The following DTNB variants were observed in gnomAD, a reference collection of about 807,000 sequenced individuals.
DTNB encodes the protein dystrobrevin beta.
DTNB carries 63 observed loss-of-function variants against 90.7 expected under a neutral mutation model. The ratio of observed to expected loss-of-function variants is 0.69; its 90% confidence interval spans 0.57 to 0.86. DTNB has a LOEUF of 0.86. Among genes scored for constraint, DTNB ranks in the 40% least tolerant of loss-of-function variants. The pLI, the probability that DTNB is intolerant of heterozygous loss-of-function variation, is 0.00. For missense variants in DTNB, 744 were observed against 807.1 expected, an observed-to-expected ratio of 0.92 and a Z score of 0.95; for synonymous variants, 277 against 286.7, an observed-to-expected ratio of 0.97 and a Z score of 0.34.
chr2:25,379,731 GGCTCGA>G, intron 19 of DTNB: 1 of 177,902 alleles, frequency 5.6e-6, no homozygotes, highest in East Asian at 1.4e-4. Context: ...GCTCACCCGA[GGCTCGA>G]GCACTGCCTG....
chr2:25,603,813 T>G (rs1217136474), intron 5 of DTNB, among the ~76,000 whole-genome samples: 1 of 152,222 alleles, frequency 6.6e-6, no homozygotes. Flanking sequence ...TAATTAGGTA[T>G]GAGAAAGTGA....
chr2:25,498,847 CAAAAAAAAAA>C (rs34017287), intron 9 of DTNB, among the ~76,000 whole-genome samples: 1 of 65,024 alleles, frequency 1.5e-5, no homozygotes, highest in Admixed American at 2.1e-4. Flanking sequence ...AACCCTGTCT[CAAAAAAAAAA>C]AAAAAAAAAA....
At chr2:25,489,803 GA>G (rs1258014860) in intron 9 of DTNB, among the ~76,000 whole-genome samples, 5 of 150,812 alleles carry the variant, frequency 3.3e-5, no homozygotes, top group Non-Finnish European at 5.9e-5. Context: ...CATCAGAAAA[GA>G]AAAAAAAATT....
intron 10 of DTNB, among the ~76,000 whole-genome samples, chr2:25,481,207 G>A (rs1350500875): frequency 1.3e-5 from 2 of 151,690 alleles, no homozygotes; most frequent in Non-Finnish European, 2.9e-5. Context: ...AGACCAGCTT[G>A]GCCAACATGG....
At chr2:25,658,622 G>A (rs1171668331) in intron 1 of DTNB, among the ~76,000 whole-genome samples, 1 of 152,164 alleles carries the variant, frequency 6.6e-6, no homozygotes, top group African/African-American at 2.4e-5. Context: ...AAAGACATGG[G>A]GGAACCTTAA....
intron 5 of DTNB, among the ~76,000 whole-genome samples, chr2:25,605,779 T>C (rs2066971386): frequency 2.0e-5 from 3 of 151,960 alleles, no homozygotes; most frequent in Non-Finnish European, 4.4e-5. Context: ...CTACAACTTT[T>C]CTTTGTGTTT....
chr2:25,663,051 C>T (rs2083587241), intron 1 of DTNB, among the ~76,000 whole-genome samples: 2 of 152,168 alleles, frequency 1.3e-5, no homozygotes, highest in South Asian at 2.1e-4. Flanking sequence ...TCCTAATGCT[C>T]TCCCTCCCCT....
At chr2:25,479,249 T>C (rs1252003633) in intron 10 of DTNB, among the ~76,000 whole-genome samples, 1 of 152,114 alleles carries the variant, frequency 6.6e-6, no homozygotes, top group Non-Finnish European at 1.5e-5. Flanking sequence ...ATAAAAAAAA[T>C]TAGCATCATT....
At chr2:25,400,117 T>C (rs1045222116) in intron 16 of DTNB, among the ~76,000 whole-genome samples, 4 of 152,226 alleles carry the variant, frequency 2.6e-5, no homozygotes, top group African/African-American at 7.2e-5. Context: ...AAGATGGAAC[T>C]ATCTCAGGAA....
chr2:25,573,863 T>G (rs1208468532), intron 8 of DTNB, among the ~76,000 whole-genome samples: 1 of 152,200 alleles, frequency 6.6e-6, no homozygotes, highest in Admixed American at 6.5e-5. Context: ...TAACGCAAAG[T>G]TCTTATCATG....
At chr2:25,564,959 T>C (rs1253543315) in intron 8 of DTNB, among the ~76,000 whole-genome samples, 3 of 152,364 alleles carry the variant, frequency 2.0e-5, no homozygotes, top group East Asian at 1.9e-4. Context: ...TTTGTATTGA[T>C]TTTGTATCTT....
At chr2:25,509,596 G>A (rs966090504) in intron 9 of DTNB, among the ~76,000 whole-genome samples, 6 of 151,660 alleles carry the variant, frequency 4.0e-5, no homozygotes, top group African/African-American at 9.7e-5. Flanking sequence ...CTCTCCTTTG[G>A]TTTCTAATGT....
At chr2:25,421,459 T>C (rs2049677198) in intron 15 of DTNB, among the ~76,000 whole-genome samples, 1 of 152,260 alleles carries the variant, frequency 6.6e-6, no homozygotes, top group Non-Finnish European at 1.5e-5. Flanking sequence ...CTTCTGCTTT[T>C]GCACCTGCTT....
At chr2:25,410,005 T>C (rs1432859627) in intron 16 of DTNB, among the ~76,000 whole-genome samples, 1 of 152,240 alleles carries the variant, frequency 6.6e-6, no homozygotes, top group African/African-American at 2.4e-5. Flanking sequence ...TTTTCACTTG[T>C]TCAGTAAATG....
At chr2:25,427,342 AT>A in intron 15 of DTNB, 192 bp downstream of exon 15, 1 of 519,510 alleles carries the variant, frequency 1.9e-6, no homozygotes. Flanking sequence ...CCAGTTACTA[AT>A]TTTTTAATAA....
chr2:25,455,423 CG>C lies in DTNB; in HGVS notation c.1150del (p.Arg384ValfsTer22). 1 of 1,601,796 alleles carries C rather than the reference CG, an allele frequency of 6.2e-7. No individual in the cohort carries two copies. The highest frequency in any genetic ancestry group is 8.5e-7 in the Non-Finnish European group (1 of 1,174,540). ...EHALIASYVA[R>X]LQHCARVLDS... ...CACTGACCGTGCACAGTGCTGCAGA[CG>C]GGCCACATAGGAGGCTATCAGCGCA... On this transcript the variant is annotated frameshift_variant, in exon 11 of 21. Coordinates refer to ENST00000406818, the MANE Select transcript of DTNB (RefSeq NM_021907.5). LOFTEE classifies it high-confidence loss of function.
intron 5 of DTNB, among the ~76,000 whole-genome samples, chr2:25,598,502 A>G (rs1265251867): frequency 6.6e-6 from 1 of 152,232 alleles, no homozygotes; most frequent in Non-Finnish European, 1.5e-5. Flanking sequence ...ATTACAGCTT[A>G]GAAAGGTTAA....
At chr2:25,428,427 CCTG>C (rs762077571) in intron 14 of DTNB, among the ~76,000 whole-genome samples, 5 of 151,556 alleles carry the variant, frequency 3.3e-5, no homozygotes, top group Non-Finnish European at 5.9e-5. Flanking sequence ...TGTGATTAAT[CCTG>C]CTTTCTTTTT....
chr2:25,440,268 T>C (rs1472178091), intron 12 of DTNB, among the ~76,000 whole-genome samples: 1 of 152,172 alleles, frequency 6.6e-6, no homozygotes, highest in South Asian at 2.1e-4. Context: ...TCTAATTAAA[T>C]AACAAATAAA....
Sources: allele counts gnomAD v4.1 joint callset (sites outside exome capture counted in the v4.1 genomes callset), GRCh38; gene constraint gnomAD v4.1.1; transcripts MANE v1.5; gene names NCBI Gene and HGNC (gene_info 2026-07-23, HGNC 2026-07-21).